STPG2: variants seen among roughly 807,000 people sequenced by gnomAD.
The protein encoded by STPG2 is sperm-tail PG-rich repeat-containing protein 2.
STPG2 carries 56 observed loss-of-function variants against 54.2 expected under a neutral mutation model. The ratio of observed to expected loss-of-function variants is 1.03; its 90% CI spans 0.83 to 1.29. The LOEUF is 1.29. STPG2 is among the 50% of genes most tolerant of loss of function. The pLI is 0.00. For missense variants in STPG2, 596 were observed against 544.9 expected (o/e 1.09, Z -0.93); for synonymous variants, 200 against 181.8 (o/e 1.10, Z -0.81).
At chr4:97,755,933 G>C (rs1477594917) in intron 9 of STPG2, among the ~76,000 whole-genome samples, 1 of 152,162 alleles carries the variant, frequency 6.6e-6, no homozygotes, top group Non-Finnish European at 1.5e-5. Flanking sequence ...GGCACTAGCA[G>C]GTCAGAGGAG....
intron 5 of STPG2, among the ~76,000 whole-genome samples, chr4:97,996,383 T>A (rs77100454): frequency 0.038 from 5,747 of 152,294 alleles, 157 homozygotes; most frequent in Middle Eastern, 0.068. Context: ...GATTCTAGGA[T>A]AACTAGCCAC....
intron 10 of STPG2, among the ~76,000 whole-genome samples, chr4:97,631,841 T>C (rs1721292357): frequency 6.6e-6 from 1 of 152,088 alleles, no homozygotes; most frequent in Admixed American, 6.5e-5. Flanking sequence ...CAAGGGTATG[T>C]GCTGTGCAAA....
intron 8 of STPG2, among the ~76,000 whole-genome samples, chr4:97,924,461 G>T (rs1732258449): frequency 6.6e-6 from 1 of 152,188 alleles, no homozygotes; most frequent in South Asian, 2.1e-4. Flanking sequence ...AGGAGCAGAT[G>T]CTCAAAATTT....
intron 10 of STPG2, among the ~76,000 whole-genome samples, chr4:97,655,910 T>A (rs753229001): frequency 3.3e-5 from 5 of 152,146 alleles, no homozygotes; most frequent in Non-Finnish European, 5.9e-5. Context: ...ACACACCTTT[T>A]GTTCTAAATT....
intron 10 of STPG2, among the ~76,000 whole-genome samples, chr4:97,620,387 C>A (rs1733980315): frequency 6.6e-6 from 1 of 152,130 alleles, no homozygotes; most frequent in Non-Finnish European, 1.5e-5. Context: ...TGAGAAAACA[C>A]AAGGCCTCAA....
intron 5 of STPG2, among the ~76,000 whole-genome samples, chr4:98,014,053 T>G (rs1735845984): frequency 6.6e-6 from 1 of 152,122 alleles, no homozygotes; most frequent in Admixed American, 6.6e-5. Flanking sequence ...GTGCTTTAGT[T>G]GTGATGTGAG....
chr4:97,722,737 A>T (rs6822369), intron 9 of STPG2, among the ~76,000 whole-genome samples: 88,840 of 150,402 alleles, frequency 0.59, 26,557 homozygotes, highest in South Asian at 0.68. Flanking sequence ...CTTTTGGGAT[A>T]TCTTGTTTTG....
At position 97,744,067 on chromosome 4, in the gene STPG2, T is replaced by C. The variant is rs115026508; in HGVS notation, c.1205-31253A>G. On this transcript the variant is annotated intron_variant, in intron 9 of 10. Coordinates refer to ENST00000295268, the MANE Select transcript of STPG2 (RefSeq NM_174952.3). ...GCCTTTGCATTTATATAATAGTCAA[T>C]AGTGAGCCTTGATATGCTGGTGAGC... Among the ~76,000 whole-genome samples the C allele has an allele frequency of 3.3e-3, 493 of 151,510 alleles. 5 individuals are homozygous for C. The highest frequency in any genetic ancestry group is 0.011 in the African/African-American group (462 of 41,462).
chr4:97,961,694 A>C (rs1397640638), intron 7 of STPG2, among the ~76,000 whole-genome samples: 1 of 152,208 alleles, frequency 6.6e-6, no homozygotes, highest in African/African-American at 2.4e-5. Flanking sequence ...CATAATCAAA[A>C]AATCAAAAAA....
At chr4:97,701,167 A>T (rs1723761740) in intron 10 of STPG2, among the ~76,000 whole-genome samples, 1 of 152,048 alleles carries the variant, frequency 6.6e-6, no homozygotes. Flanking sequence ...CTTTCCCACC[A>T]TAGTAGCCCT....
At chr4:97,574,438 T>C (rs1446920850) in intron 10 of STPG2, among the ~76,000 whole-genome samples, 2 of 140,230 alleles carry the variant, frequency 1.4e-5, no homozygotes, top group Non-Finnish European at 2.9e-5. Flanking sequence ...TTATAGACAG[T>C]TGTAAAAAAA....
At chr4:97,918,879 G>T (rs1374179065) in intron 8 of STPG2, among the ~76,000 whole-genome samples, 1 of 152,128 alleles carries the variant, frequency 6.6e-6, no homozygotes, top group Non-Finnish European at 1.5e-5. Flanking sequence ...CTGCTCGGGT[G>T]ATGGGTACAC....
intron 8 of STPG2, among the ~76,000 whole-genome samples, chr4:97,943,228 C>T (rs1733059282): frequency 6.6e-6 from 1 of 152,114 alleles, no homozygotes; most frequent in African/African-American, 2.4e-5. Context: ...AGTGCCACCT[C>T]CTAATACCAT....
At chr4:97,649,085 C>T (rs1721993515) in intron 10 of STPG2, among the ~76,000 whole-genome samples, 1 of 152,122 alleles carries the variant, frequency 6.6e-6, no homozygotes, top group South Asian at 2.1e-4. Flanking sequence ...TCAGAAAATG[C>T]TTTGAGGAAA....
intron 10 of STPG2, among the ~76,000 whole-genome samples, chr4:97,708,901 C>A (rs1724032211): frequency 6.6e-6 from 1 of 151,390 alleles, no homozygotes; most frequent in Non-Finnish European, 1.5e-5. Flanking sequence ...AAATAAATTC[C>A]TTTATAATTT....
At chr4:97,949,220 A>G (rs1733368185) in intron 7 of STPG2, among the ~76,000 whole-genome samples, 1 of 152,054 alleles carries the variant, frequency 6.6e-6, no homozygotes, top group African/African-American at 2.4e-5. Flanking sequence ...TGTTTTATCT[A>G]ATATAAGAAT....
intron 7 of STPG2, among the ~76,000 whole-genome samples, chr4:97,953,050 C>A (rs1009168524): frequency 1.3e-5 from 2 of 152,118 alleles, no homozygotes; most frequent in Non-Finnish European, 2.9e-5. Flanking sequence ...CTATAGAGCT[C>A]CCAAACATTT....
At chr4:98,006,924 G>T (rs1385246612) in intron 5 of STPG2, among the ~76,000 whole-genome samples, 1 of 152,142 alleles carries the variant, frequency 6.6e-6, no homozygotes, top group Non-Finnish European at 1.5e-5. Context: ...AATTGGTGCA[G>T]AAGCAGTTTC....
At chr4:97,808,761 GA>G (rs1163871264) in intron 9 of STPG2, among the ~76,000 whole-genome samples, 2 of 145,432 alleles carry the variant, frequency 1.4e-5, no homozygotes, top group South Asian at 4.3e-4. Context: ...GTAAAAGGAA[GA>G]AAAAAATGTC....
Sources: gnomAD v4.1 joint callset for allele counts (sites outside exome capture counted in the v4.1 genomes callset) on GRCh38, gnomAD v4.1.1 for gene constraint, MANE v1.5 for transcripts, NCBI Gene and HGNC (gene_info 2026-07-23, HGNC 2026-07-21) for gene names.